BIRC6: variants seen among roughly 807,000 people sequenced by gnomAD.
BIRC6 encodes the protein baculoviral IAP repeat containing 6.
A neutral mutation model predicts 503.3 loss-of-function variants in BIRC6; 98 were observed. The ratio of observed to expected loss-of-function variants is 0.19; its 90% CI spans 0.17 to 0.23. The LOEUF (loss-of-function observed/expected upper bound fraction) is 0.23. Among genes scored for constraint, BIRC6 ranks in the 10% least tolerant of loss-of-function variants. The pLI, the probability that BIRC6 is intolerant of heterozygous loss-of-function variation, is 1.00. For missense variants in BIRC6, 5,360 were observed against 5,806.0 expected (o/e 0.92, Z 2.50); for synonymous variants, 2,240 against 2,078.7 (o/e 1.08, Z -2.11).
At chr2:32,587,827 T>C (rs903841723) in intron 66 of BIRC6, among the ~76,000 whole-genome samples, 2 of 152,228 alleles carry the variant, frequency 1.3e-5, no homozygotes, top group African/African-American at 4.8e-5. Flanking sequence ...CTTTTACTCA[T>C]GTGTTTTCAC....
At chr2:32,378,593 G>C (rs1488201280) in intron 2 of BIRC6, among the ~76,000 whole-genome samples, 2 of 151,986 alleles carry the variant, frequency 1.3e-5, no homozygotes, top group African/African-American at 4.8e-5. Flanking sequence ...TAGTAGCTGG[G>C]ATTACAGGCA....
At chr2:32,371,602 C>G (rs1449471244) in intron 1 of BIRC6, among the ~76,000 whole-genome samples, 1 of 152,020 alleles carries the variant, frequency 6.6e-6, no homozygotes, top group Non-Finnish European at 1.5e-5. Flanking sequence ...AGGCTGCTCT[C>G]AAACTCCTGA....
chr2:32,532,134 C>CGCGTGTGTGTGT (rs1553487060), intron 61 of BIRC6: 1 of 421,200 alleles, frequency 2.4e-6, no homozygotes, highest in African/African-American at 2.4e-5. Flanking sequence ...GATTTCATGT[C>CGCGTGTGTGTGT]GTGTGTGTGT....
intron 50 of BIRC6, among the ~76,000 whole-genome samples, chr2:32,507,107 T>C (rs72800820): frequency 0.18 from 27,540 of 151,972 alleles, 2,639 homozygotes; most frequent in Admixed American, 0.25. Flanking sequence ...ATTGATTTTT[T>C]AAAAAAAATC....
chr2:32,366,274 T>C lies in BIRC6; in HGVS notation c.325+8788T>C, dbSNP rs1029189650. Among the ~76,000 whole-genome samples the C allele has an allele frequency of 5.9e-5, 9 of 152,358 alleles. No individual in the cohort carries two copies. The South Asian group carries it at 1.7e-3, about 28-fold the overall frequency. ...CTGCTGGCTTAGCTTTTAAGATTTT[T>C]GGGGAGGAGAGGAAACAGATTAGTT... On this transcript the variant is annotated intron_variant, in intron 1 of 73. Transcript: ENST00000421745.
At chr2:32,532,573 A>G in intron 61 of BIRC6, among the ~76,000 whole-genome samples, 1 of 152,162 alleles carries the variant, frequency 6.6e-6, no homozygotes, top group East Asian at 1.9e-4. Context: ...CAAAGGCCCC[A>G]TTTCCAAATA....
intron 12 of BIRC6, 62 bp downstream of exon 12, chr2:32,431,152 G>T: frequency 1.6e-6 from 1 of 608,338 alleles, no homozygotes; most frequent in East Asian, 4.8e-5. Flanking sequence ...CAGAGACAAC[G>T]TAGAATTCCT....
Position 32,502,038 on chromosome 2 carries a change from A to T in BIRC6, c.9207+150A>T, listed in dbSNP as rs1246189954. ...AAGAGGGCTGTGGATTATTAATAAA[A>T]GTTGGAGAATAAAGTTTCTTTGAAG... is the stretch of plus-strand genomic sequence containing the variant. On this transcript the variant is annotated intron_variant, in intron 47 of 73. Coordinates refer to ENST00000421745, the MANE Select transcript of BIRC6 (RefSeq NM_016252.4). 5 of 752,876 alleles carry T rather than the reference A, an allele frequency of 6.6e-6. 2 individuals are homozygous for T. The highest frequency in any genetic ancestry group is 9.6e-6 in the Non-Finnish European group (5 of 519,550). The allele number at this position is 752,876 out of a possible 1,614,324, so 46.6% of individuals were successfully genotyped here.
At chr2:32,568,580 C>G (rs1012736609) in intron 65 of BIRC6, among the ~76,000 whole-genome samples, 1 of 151,478 alleles carries the variant, frequency 6.6e-6, no homozygotes, top group South Asian at 2.1e-4. Flanking sequence ...CGCAGTGGCT[C>G]ACGCCTGTAA....
At chr2:32,505,995 T>TACC (rs1465449592) in intron 50 of BIRC6, among the ~76,000 whole-genome samples, 1 of 152,014 alleles carries the variant, frequency 6.6e-6, no homozygotes, top group Non-Finnish European at 1.5e-5. Context: ...CACAGGCATG[T>TACC]ACCACCATGC....
chr2:32,529,488 T>C, intron 59 of BIRC6, 163 bp from the exon 60 acceptor site: 11 of 593,062 alleles, frequency 1.9e-5, no homozygotes, highest in Non-Finnish European at 2.2e-5. Flanking sequence ...AGAAATAAAC[T>C]CACTTTTTGT....
intron 44 of BIRC6, among the ~76,000 whole-genome samples, 197 bp downstream of exon 44, chr2:32,491,755 G>A (rs2051744675): frequency 6.6e-6 from 1 of 152,086 alleles, no homozygotes; most frequent in Non-Finnish European, 1.5e-5. Context: ...TAACCTCTTA[G>A]AACAGTGATA....
chr2:32,415,395 G>T lies in BIRC6; in HGVS notation c.2104G>T (p.Asp702Tyr). Reference sequence around the variant, plus strand: ...TGCAGCAGCCAACCTTACCTCTCCGGATTCTGAGAAGTGGAACTCTGTGTT... The same window carrying T: ...TGCAGCAGCCAACCTTACCTCTCCGTATTCTGAGAAGTGGAACTCTGTGTT... ...ADAAANLTSP[D>Y]SEKWNSVFPK... is the part of the protein sequence containing the mutation. The change falls in exon 10 of 74, where the codon GAT (aspartate) becomes TAT (tyrosine). Residue 702 changes from aspartate to tyrosine, a missense_variant. Around this residue, in one of 16 missense-constraint regions of BIRC6, gnomAD observed 700 missense variants for 739.3 expected, o/e 0.95. Transcript: ENST00000421745. The T allele has an allele frequency of 1.2e-6, 2 of 1,613,980 alleles. No individual in the cohort carries two copies. Among genetic ancestry groups the T allele is most frequent in the South Asian group, 2.2e-5 (2 of 91,086 alleles).
chr2:32,482,676 G>A, intron 39 of BIRC6, 94 bp downstream of exon 39: 2 of 1,357,416 alleles, frequency 1.5e-6, no homozygotes, highest in South Asian at 1.4e-5. Flanking sequence ...GAGCCTGGGT[G>A]TATGCCAGTG....
Position 32,463,328 on chromosome 2 carries a change from C to G in BIRC6, c.4888C>G (p.Gln1630Glu). 1.2e-6 allele frequency: 2 copies of G among 1,613,716 alleles called. No individual in the cohort carries two copies. The highest frequency in any genetic ancestry group is 1.7e-6 in the Non-Finnish European group (2 of 1,179,780). The stretch of plus-strand genomic sequence containing the variant: ...TCATGCAATGGCTTCAGCCGAGCAA[C>G]AGCTACAGGTGCTGCAAGAGAAACA... The part of the protein sequence containing the change: ...LSHAMASAEQ[Q>E]LQVLQEKQQQ... The change falls in exon 24 of 74, where the codon CAG becomes GAG. Residue 1630 changes from glutamine to glutamate, a missense_variant. Physicochemically the swap from Gln to Glu is conservative, Grantham distance 29. Coordinates refer to ENST00000421745, the MANE Select transcript of BIRC6 (RefSeq NM_016252.4).
In BIRC6 at chr2:32,450,770, G is replaced by C. The variant is rs573882345; in HGVS notation, c.4618+1842G>C. 5.2e-4 allele frequency among the ~76,000 whole-genome samples: 79 copies of C among 152,276 alleles called. 1 individual carries two copies. Among genetic ancestry groups the C allele is most frequent in the African/African-American group, 1.8e-3 (76 of 41,556 alleles). ...CCCTTATGAAAAATGATGTAGTGCA[G>C]TTTGTGTATAACTTACACACATCCT... is the stretch of plus-strand genomic sequence containing the variant. On this transcript the variant is annotated intron_variant, in intron 22 of 73. Transcript: ENST00000421745.
intron 26 of BIRC6, among the ~76,000 whole-genome samples, chr2:32,465,831 A>G (rs541834782): frequency 1.3e-5 from 2 of 152,354 alleles, no homozygotes; most frequent in East Asian, 3.9e-4. Flanking sequence ...AGAATTAAAT[A>G]GTATTTGCGT....
In BIRC6 at chr2:32,540,842, TA is replaced by T. The variant is rs529224482; in HGVS notation, c.12292-2398del. ...TAGTCTTAATGTTGACTAGCATTTTTATTTCCAGTTGTTAGCTATAATGAAA... is the reference window on the plus strand; with the variant it reads ...TAGTCTTAATGTTGACTAGCATTTTTTTTCCAGTTGTTAGCTATAATGAAA... On this transcript the variant is annotated intron_variant, in intron 61 of 73. Coordinates refer to ENST00000421745, the MANE Select transcript of BIRC6 (RefSeq NM_016252.4). Among the ~76,000 whole-genome samples the T allele has an allele frequency of 8.4e-3, 1,284 of 152,182 alleles. 9 individuals are homozygous for T. The highest frequency in any genetic ancestry group is 0.02 in the Middle Eastern group (6 of 294).
intron 10 of BIRC6, among the ~76,000 whole-genome samples, chr2:32,427,067 C>A (rs1306748263): frequency 6.6e-6 from 1 of 152,038 alleles, no homozygotes; most frequent in Non-Finnish European, 1.5e-5. Flanking sequence ...GCCTTTGACT[C>A]TCAAGAGCTT....
Sources: allele counts gnomAD v4.1 joint callset (sites outside exome capture counted in the v4.1 genomes callset), GRCh38; gene constraint gnomAD v4.1.1; regional missense constraint gnomAD v4.1.1; transcripts MANE v1.5; gene names NCBI Gene and HGNC (gene_info 2026-07-23, HGNC 2026-07-21).